The following PRKCI variants were observed in gnomAD, a reference collection of about 807,000 sequenced individuals.
PRKCI encodes the protein protein kinase C iota type.
A neutral mutation model predicts 84.0 loss-of-function variants in PRKCI; 43 were observed. That is an observed-to-expected ratio of 0.51 (90% CI 0.40 to 0.66). The LOEUF (loss-of-function observed/expected upper bound fraction) is 0.66, where lower values mean the gene tolerates loss of function less well. Among genes scored for constraint, PRKCI ranks in the 30% least tolerant of loss-of-function variants. The pLI is 0.00. For synonymous variants in PRKCI, 216 were observed against 234.4 expected (o/e 0.92, Z 0.72); for missense variants, 459 against 745.6 (o/e 0.62, Z 4.48).
rs1461022982 is a variant in PRKCI at position 170,263,460 on chromosome 3, A to G, written c.364+31A>G. On this transcript the variant is annotated intron_variant, in intron 4 of 17. Transcript: ENST00000295797. ...TGTTTATATACTTCATACCTTTTAC[A>G]AGAGTTACTATGCTATGGTACAAGT... 2.6e-6 allele frequency: 4 copies of G among 1,521,406 alleles called. No individual in the cohort carries two copies. In the African/African-American group the frequency reaches 5.5e-5, roughly 21 times the overall value. 94.2% of individuals were successfully genotyped at this position (1,521,406 alleles called of 1,614,324 possible). A position where few individuals can be genotyped will look rare whatever the true frequency, so the allele number is the denominator to read the frequency against.
intron 2 of PRKCI, among the ~76,000 whole-genome samples, chr3:170,246,890 G>T (rs539328258): frequency 5.3e-5 from 8 of 152,070 alleles, no homozygotes; most frequent in East Asian, 3.9e-4. Context: ...CCTATGCTTG[G>T]TCACCTTTGT....
chr3:170,263,093 C>T (rs570228105), intron 3 of PRKCI, among the ~76,000 whole-genome samples: 2 of 150,916 alleles, frequency 1.3e-5, no homozygotes, highest in African/African-American at 2.4e-5. Context: ...GGCGTGAACC[C>T]GGGAGGCGGA....
rs1734780260 is a variant in PRKCI, at chr3:170,299,828, C to G, written c.1703+718C>G. On this transcript the variant is annotated intron_variant, in intron 17 of 17. Coordinates refer to ENST00000295797, the MANE Select transcript of PRKCI (RefSeq NM_002740.6). ...CTGTTTCCCATTTGACAAGGACTGT[C>G]TTTGAGTTCCTGAGTATTGCCTTAA... 2.0e-5 allele frequency among the ~76,000 whole-genome samples: 3 copies of G among 152,180 alleles called. No individual in the cohort carries two copies. The South Asian group carries it at 6.2e-4, about 31-fold the overall frequency.
chr3:170,255,373 T>C lies in PRKCI; in HGVS notation c.224-4596T>C, dbSNP rs73034370. Reference sequence around the variant, plus strand: ...CCGCGCCTGGCTGAGATCTTTCACTTCTTTTGTGATACTTATTCATAGGTA... The same window carrying C: ...CCGCGCCTGGCTGAGATCTTTCACTCCTTTTGTGATACTTATTCATAGGTA... On this transcript the variant is annotated intron_variant, in intron 2 of 17. Coordinates refer to ENST00000295797, the MANE Select transcript of PRKCI (RefSeq NM_002740.6). Among the ~76,000 whole-genome samples, 961 of 152,308 alleles carry C rather than the reference T, an allele frequency of 6.3e-3. 10 individuals are homozygous for C. Among genetic ancestry groups the C allele is most frequent in the African/African-American group, 0.021 (877 of 41,564 alleles).
At chr3:170,274,242 C>G (rs1374171380) in intron 7 of PRKCI, among the ~76,000 whole-genome samples, 1 of 151,686 alleles carries the variant, frequency 6.6e-6, no homozygotes, top group Non-Finnish European at 1.5e-5. Flanking sequence ...AGTGATTCTC[C>G]TGCCTCAGCC....
rs755258716 is a variant in PRKCI at position 170,280,386 on chromosome 3, C to A, written c.865C>A (p.Leu289Ile). 6.2e-7 allele frequency: 1 copy of A among 1,612,920 alleles called. No individual in the cohort carries two copies. Among genetic ancestry groups the A allele is most frequent in the Non-Finnish European group, 8.5e-7 (1 of 1,179,440 alleles). Residue 289 changes from leucine (L) to isoleucine (I), a missense_variant, in exon 9 of 18, where the codon CTT (leucine) becomes ATT (isoleucine). Physicochemically the swap from Leu to Ile is conservative, Grantham distance 5. Around this residue, in one of 2 missense-constraint regions of PRKCI, gnomAD observed 209 missense variants for 425.9 expected, o/e 0.49. Transcript: ENST00000295797. ...TGCAATGAAAGTTGTGAAAAAAGAG[C>A]TTGTTAATGATGATGAGGTAAGCAC... ...IYAMKVVKKE[L>I]VNDDEDIDWV...
chr3:170,241,632 C>G (rs558686572), intron 2 of PRKCI, among the ~76,000 whole-genome samples: 1 of 151,908 alleles, frequency 6.6e-6, no homozygotes, highest in Non-Finnish European at 1.5e-5. Context: ...GATGCTACAG[C>G]GTAGTTCACC....
intron 2 of PRKCI, among the ~76,000 whole-genome samples, chr3:170,235,597 G>A (rs1187363443): frequency 7.0e-6 from 1 of 142,072 alleles, no homozygotes; most frequent in Non-Finnish European, 1.5e-5. Flanking sequence ...ACGGAGTCTC[G>A]CTCTATCGCC....
At chr3:170,286,905 C>T (rs1027945919) in intron 12 of PRKCI, among the ~76,000 whole-genome samples, 4 of 151,204 alleles carry the variant, frequency 2.6e-5, no homozygotes, top group Non-Finnish European at 5.9e-5. Context: ...TAGATAATCT[C>T]CAGGCTCTGG....
intron 2 of PRKCI, among the ~76,000 whole-genome samples, chr3:170,240,455 G>C (rs1329057905): frequency 6.6e-6 from 1 of 152,050 alleles, no homozygotes; most frequent in Non-Finnish European, 1.5e-5. Context: ...GCTTTGTCTT[G>C]TTCAAGTAAA....
At chr3:170,301,960 T>G (rs926434430) in intron 17 of PRKCI, among the ~76,000 whole-genome samples, 1 of 152,208 alleles carries the variant, frequency 6.6e-6, no homozygotes, top group Non-Finnish European at 1.5e-5. Flanking sequence ...ACAAACAGTG[T>G]TCTGATCAGT....
At chr3:170,263,581 C>T (rs757873381) in intron 4 of PRKCI, 152 bp downstream of exon 4, 42 of 565,438 alleles carry the variant, frequency 7.4e-5, no homozygotes, top group Admixed American at 1.1e-4. Flanking sequence ...GTGGGAGGAT[C>T]GCTTAAGCCC....
At position 170,303,771 on chromosome 3, in the gene PRKCI, C is replaced by G. The variant is rs1463162506; in HGVS notation, c.*644C>G. 3 of 197,748 alleles carry G rather than the reference C, an allele frequency of 1.5e-5. No homozygotes were observed. Among genetic ancestry groups the G allele is most frequent in the Non-Finnish European group, 3.1e-5 (3 of 95,500 alleles). 12.2% of individuals were successfully genotyped at this position (197,748 alleles called of 1,614,324 possible). The stretch of plus-strand genomic sequence containing the variant: ...CAGTACTTTGGGAGGTTGAGGCGGG[C>G]AGATCACTTGAGGTCAGGAGTTTGA... On this transcript the variant is annotated 3_prime_UTR_variant, in exon 18 of 18. Coordinates refer to ENST00000295797, the MANE Select transcript of PRKCI (RefSeq NM_002740.6).
intron 8 of PRKCI, among the ~76,000 whole-genome samples, chr3:170,276,856 T>C (rs1296893757): frequency 6.6e-6 from 1 of 151,920 alleles, no homozygotes; most frequent in Non-Finnish European, 1.5e-5. Context: ...ACCTAAAGAA[T>C]GGGAGAAAAT....
At chr3:170,291,651 C>T (rs1347685422) in intron 12 of PRKCI, 2 of 463,922 alleles carry the variant, frequency 4.3e-6, no homozygotes, top group Admixed American at 6.7e-5. Context: ...GAGCTGAGAT[C>T]GTGCCACTGC....
intron 3 of PRKCI, among the ~76,000 whole-genome samples, chr3:170,260,278 G>A (rs1733690854): frequency 6.6e-6 from 1 of 152,088 alleles, no homozygotes; most frequent in Admixed American, 6.6e-5. Context: ...TGTATGTCTT[G>A]TTGGATATTA....
At chr3:170,236,615 C>A (rs1256203924) in intron 2 of PRKCI, among the ~76,000 whole-genome samples, 1 of 152,110 alleles carries the variant, frequency 6.6e-6, no homozygotes, top group Admixed American at 6.6e-5. Flanking sequence ...GTAATCCCAG[C>A]ACTTTAGAGT....
Position 170,286,485 on chromosome 3 carries a change from CTTT to C in PRKCI, c.1203+1909_1203+1911del, listed in dbSNP as rs34674664. On this transcript the variant is annotated intron_variant, in intron 12 of 17. Coordinates refer to ENST00000295797, the MANE Select transcript of PRKCI (RefSeq NM_002740.6). ...AAGTGCACAAATTAAAACAATGAGGCTTTTTTTTTTTTTTTTTTTTTTGCCTGT... is the reference window on the plus strand; with the variant it reads ...AAGTGCACAAATTAAAACAATGAGGCTTTTTTTTTTTTTTTTTTTGCCTGT... Among the ~76,000 whole-genome samples, 168 of 65,576 alleles carry C rather than the reference CTTT, an allele frequency of 2.6e-3. 1 individual carries two copies. Among genetic ancestry groups the C allele is most frequent in the African/African-American group, 9.1e-3 (150 of 16,490 alleles). The allele number at this position is 65,576 out of a possible 152,430, so 43.0% of individuals were successfully genotyped here.
chr3:170,239,862 T>C (rs546698515), intron 2 of PRKCI, among the ~76,000 whole-genome samples: 3 of 152,030 alleles, frequency 2.0e-5, no homozygotes, highest in African/African-American at 7.2e-5. Flanking sequence ...CAAAAAATAT[T>C]TGTGGCTGAG....
Sources: allele counts gnomAD v4.1 joint callset (sites outside exome capture counted in the v4.1 genomes callset), GRCh38; gene constraint gnomAD v4.1.1; regional missense constraint gnomAD v4.1.1; transcripts MANE v1.5; gene names NCBI Gene and HGNC (gene_info 2026-07-23, HGNC 2026-07-21).